CDKAL1: variants seen among roughly 807,000 people sequenced by gnomAD.
The protein encoded by CDKAL1 is CDKAL1 threonylcarbamoyladenosine tRNA methylthiotransferase, also known as threonylcarbamoyladenosine tRNA methylthiotransferase.
A neutral mutation model predicts 68.2 loss-of-function variants in CDKAL1; 32 were observed. That is an observed-to-expected ratio of 0.47 (90% CI 0.35 to 0.63). The LOEUF (loss-of-function observed/expected upper bound fraction) is 0.63. Among genes scored for constraint, CDKAL1 ranks in the 30% least tolerant of loss-of-function variants. CDKAL1 has a pLI of 0.00. For missense variants in CDKAL1, 606 were observed against 696.7 expected (o/e 0.87, Z 1.47); for synonymous variants, 234 against 244.3 (o/e 0.96, Z 0.39).
At chr6:20,654,100 C>T (rs1429942949) in intron 5 of CDKAL1, among the ~76,000 whole-genome samples, 1 of 151,736 alleles carries the variant, frequency 6.6e-6, no homozygotes, top group Non-Finnish European at 1.5e-5. Flanking sequence ...CCAGGCTGAT[C>T]TCGAACTTCT....
intron 4 of CDKAL1, among the ~76,000 whole-genome samples, chr6:20,637,544 C>G (rs577449896): frequency 1.3e-5 from 2 of 152,246 alleles, no homozygotes; most frequent in African/African-American, 4.8e-5. Flanking sequence ...GCCTGGGCAA[C>G]AGAGCGAAAC....
chr6:20,564,959 A>G (rs1764399436), intron 4 of CDKAL1, among the ~76,000 whole-genome samples: 1 of 152,152 alleles, frequency 6.6e-6, no homozygotes, highest in South Asian at 2.1e-4. Context: ...CAAAAATTAG[A>G]TAATATGAAT....
chr6:21,225,175 A>G (rs1779694596), intron 15 of CDKAL1, among the ~76,000 whole-genome samples: 1 of 152,120 alleles, frequency 6.6e-6, no homozygotes, highest in Non-Finnish European at 1.5e-5. Flanking sequence ...AGCTGACAAG[A>G]CGAGCAGGCC....
intron 11 of CDKAL1, among the ~76,000 whole-genome samples, chr6:21,012,188 A>G (rs1291820436): frequency 1.3e-5 from 2 of 152,210 alleles, no homozygotes; most frequent in African/African-American, 4.8e-5. Context: ...GATTATGTCA[A>G]ATTGTCAGAA....
intron 4 of CDKAL1, among the ~76,000 whole-genome samples, chr6:20,590,121 A>G (rs943190703): frequency 2.0e-5 from 3 of 152,210 alleles, no homozygotes; most frequent in Non-Finnish European, 2.9e-5. Context: ...TTGTACTAAT[A>G]TTAATGAAGT....
chr6:21,053,196 T>G (rs1371732309), intron 11 of CDKAL1, among the ~76,000 whole-genome samples: 1 of 152,250 alleles, frequency 6.6e-6, no homozygotes, highest in Non-Finnish European at 1.5e-5. Context: ...CTAAGTCGTC[T>G]TCTAGATATT....
chr6:20,773,013 C>A (rs763961849), intron 7 of CDKAL1: 4 of 152,072 alleles, frequency 2.6e-5, no homozygotes, highest in African/African-American at 7.2e-5. Flanking sequence ...ATTTTAATAT[C>A]TTTTTCTAGG....
chr6:20,676,624 G>A (rs1038273191), intron 5 of CDKAL1, among the ~76,000 whole-genome samples: 6 of 151,316 alleles, frequency 4.0e-5, no homozygotes, highest in South Asian at 2.1e-4. Context: ...CCAAGATTGC[G>A]CCACTGCACT....
At chr6:20,998,095 T>G (rs1376756005) in intron 10 of CDKAL1, among the ~76,000 whole-genome samples, 1 of 152,162 alleles carries the variant, frequency 6.6e-6, no homozygotes, top group Non-Finnish European at 1.5e-5. Context: ...AGATGTCATT[T>G]CTCACCGCAA....
At chr6:20,894,490 G>C (rs2150584412) in intron 9 of CDKAL1, among the ~76,000 whole-genome samples, 1 of 148,650 alleles carries the variant, frequency 6.7e-6, no homozygotes, top group African/African-American at 2.5e-5. Flanking sequence ...TTTTTTTACA[G>C]GTTTTAAGTG....
chr6:20,880,256 T>TA (rs1053146764), intron 9 of CDKAL1, among the ~76,000 whole-genome samples: 1 of 31,776 alleles, frequency 3.1e-5, no homozygotes, highest in Non-Finnish European at 6.5e-5. Flanking sequence ...AGAAACTACA[T>TA]TTTTTTTTGC....
intron 11 of CDKAL1, among the ~76,000 whole-genome samples, chr6:21,055,889 A>G (rs886590745): frequency 1.3e-5 from 2 of 152,166 alleles, no homozygotes; most frequent in Non-Finnish European, 2.9e-5. Flanking sequence ...ATATACCAAG[A>G]AATGGGATTG....
intron 5 of CDKAL1, among the ~76,000 whole-genome samples, chr6:20,717,529 A>AAAC (rs1772155700): frequency 6.6e-6 from 1 of 152,078 alleles, no homozygotes; most frequent in African/African-American, 2.4e-5. Context: ...TGGTGTAATG[A>AAAC]AACAGCGGTT....
At chr6:20,830,470 A>G (rs1295588788) in intron 8 of CDKAL1, among the ~76,000 whole-genome samples, 1 of 90,998 alleles carries the variant, frequency 1.1e-5, no homozygotes, top group Non-Finnish European at 2.3e-5. Flanking sequence ...TTTCAGAAAG[A>G]TATTTTTTAA....
intron 9 of CDKAL1, among the ~76,000 whole-genome samples, chr6:20,855,255 C>A (rs1419510019): frequency 6.6e-6 from 1 of 151,740 alleles, no homozygotes; most frequent in Non-Finnish European, 1.5e-5. Context: ...CCAGCCTCAC[C>A]AACATGGCGA....
At chr6:21,080,009 T>TGTGTGTGTGTGTGTGTGTGTG (rs1375751747) in intron 12 of CDKAL1, among the ~76,000 whole-genome samples, 32 of 151,270 alleles carry the variant, frequency 2.1e-4, no homozygotes, top group East Asian at 9.7e-4. Context: ...TGTGTGTGTG[T>TGTGTGTGTGTGTGTGTGTGTG]TTGAACCATG....
At chr6:20,673,032 C>T (rs1470558983) in intron 5 of CDKAL1, among the ~76,000 whole-genome samples, 1 of 152,224 alleles carries the variant, frequency 6.6e-6, no homozygotes, top group African/African-American at 2.4e-5. Context: ...CCGCCTTGGC[C>T]TCCCAGAGTG....
chr6:20,938,288 G>A (rs1221254225), intron 9 of CDKAL1, among the ~76,000 whole-genome samples: 1 of 152,062 alleles, frequency 6.6e-6, no homozygotes, highest in African/African-American at 2.4e-5. Flanking sequence ...ACCAGAAAGT[G>A]TTTTAGGCTT....
intron 11 of CDKAL1, among the ~76,000 whole-genome samples, chr6:21,040,705 G>A (rs529729826): frequency 1.3e-5 from 2 of 152,140 alleles, no homozygotes; most frequent in East Asian, 1.9e-4. Flanking sequence ...TCTTCAAAGC[G>A]AACTTTTTCT....
Sources: allele counts gnomAD v4.1 joint callset (sites outside exome capture counted in the v4.1 genomes callset), GRCh38; gene constraint gnomAD v4.1.1; transcripts MANE v1.5; gene names NCBI Gene and HGNC (gene_info 2026-07-23, HGNC 2026-07-21).